HIKESHI: variants seen among roughly 807,000 people sequenced by gnomAD.
HIKESHI encodes heat shock protein nuclear import factor hikeshi.
A neutral mutation model predicts 25.7 loss-of-function variants in HIKESHI; 13 were observed. The ratio of observed to expected loss-of-function variants is 0.51; its 90% confidence interval spans 0.33 to 0.80. The LOEUF is 0.80. Ranked by LOEUF, HIKESHI falls within the 30% of genes least tolerant of loss-of-function variation. HIKESHI has a pLI of 0.02. For synonymous variants in HIKESHI, 76 were observed against 78.7 expected, an observed-to-expected ratio of 0.97 and a Z score of 0.18; for missense variants, 174 against 229.5, an observed-to-expected ratio of 0.76 and a Z score of 1.56.
At chr11:86,306,137 A>T in intron 1 of HIKESHI, 108 bp from the exon 2 acceptor site, 1 of 726,160 alleles carries the variant, frequency 1.4e-6, no homozygotes, top group South Asian at 1.9e-5. Context: ...TCTATTTGGT[A>T]GAAAGACTAT....
In HIKESHI at chr11:86,306,267, T is replaced by C. The variant is rs780515938; in HGVS notation, c.53T>C (p.Val18Ala). 6.2e-7 allele frequency: 1 copy of C among 1,613,386 alleles called. No individual in the cohort carries two copies. Among genetic ancestry groups the C allele is most frequent in the South Asian group, 1.1e-5 (1 of 91,056 alleles). Residue 18 changes from valine to alanine, a missense_variant, in exon 2 of 5, where the codon GTG becomes GCG. Transcript: ENST00000278483. The stretch of plus-strand genomic sequence containing the variant: ...TAGGTGCAAACAGCTGCACAGCAAG[T>C]GGCAGAGGATAAATTTGTTTTTGAC... ...GRLVQTAAQQVAEDKFVFDLP... is the reference protein window; with the variant it reads ...GRLVQTAAQQAAEDKFVFDLP...
rs78256473 is a variant in HIKESHI at position 86,335,226 on chromosome 11, G to T, written c.269-2153G>T. On this transcript the variant is annotated intron_variant, in intron 2 of 4. Coordinates refer to ENST00000278483, the MANE Select transcript of HIKESHI (RefSeq NM_016401.4). ...TAGAAGACTGTTTAAAAAAAAAGAGGTCTGCCTTTATGTCACCTAACTTGG... is the reference window on the plus strand; with the variant it reads ...TAGAAGACTGTTTAAAAAAAAAGAGTTCTGCCTTTATGTCACCTAACTTGG... 8.6e-3 allele frequency among the ~76,000 whole-genome samples: 1,310 copies of T among 152,226 alleles called. 26 individuals are homozygous for T. The highest frequency in any genetic ancestry group is 0.03 in the African/African-American group (1,254 of 41,536).
chr11:86,340,714 C>T (rs974283476), intron 3 of HIKESHI, among the ~76,000 whole-genome samples: 3 of 152,236 alleles, frequency 2.0e-5, no homozygotes, highest in Middle Eastern at 3.4e-3. Flanking sequence ...GGCGTGATCT[C>T]GGCTCCTGCA....
intron 4 of HIKESHI, 185 bp downstream of exon 4, chr11:86,344,906 T>G (rs1947832753): frequency 5.6e-6 from 3 of 539,930 alleles, no homozygotes; most frequent in Non-Finnish European, 9.4e-6. Flanking sequence ...AATATTTTGT[T>G]ATATTGTCGC....
At chr11:86,317,640 A>G (rs1180088666) in intron 2 of HIKESHI, among the ~76,000 whole-genome samples, 3 of 152,034 alleles carry the variant, frequency 2.0e-5, no homozygotes, top group Admixed American at 6.6e-5. Flanking sequence ...CCTTGTCTGT[A>G]CTAAAAATAC....
chr11:86,326,692 G>A, intron 2 of HIKESHI: 2 of 264,354 alleles, frequency 7.6e-6, no homozygotes, highest in East Asian at 1.0e-4. Flanking sequence ...ATTTGGATGG[G>A]ATGGAAGTGG....
intron 2 of HIKESHI, chr11:86,323,924 A>C (rs887980540): frequency 2.6e-5 from 4 of 152,166 alleles, no homozygotes; most frequent in African/African-American, 9.7e-5. Flanking sequence ...AGTATGGGAA[A>C]ATGGATTTGT....
At chr11:86,314,767 A>G (rs544082278) in intron 2 of HIKESHI, among the ~76,000 whole-genome samples, 1 of 152,232 alleles carries the variant, frequency 6.6e-6, no homozygotes, top group African/African-American at 2.4e-5. Flanking sequence ...GTTTCATGAG[A>G]TCATTATCAT....
intron 2 of HIKESHI, among the ~76,000 whole-genome samples, chr11:86,327,582 G>C (rs1220689732): frequency 6.6e-6 from 1 of 152,052 alleles, no homozygotes; most frequent in Admixed American, 6.6e-5. Flanking sequence ...TCAAAGTGCT[G>C]GGATTACAGG....
intron 2 of HIKESHI, among the ~76,000 whole-genome samples, chr11:86,328,212 A>C (rs1447215723): frequency 6.6e-6 from 1 of 151,888 alleles, no homozygotes; most frequent in Admixed American, 6.6e-5. Context: ...TAAGTGTAAT[A>C]TTTTCCTTTC....
chr11:86,312,805 C>A (rs1040237926), intron 2 of HIKESHI, among the ~76,000 whole-genome samples: 1 of 152,112 alleles, frequency 6.6e-6, no homozygotes, highest in African/African-American at 2.4e-5. Context: ...TTTATTTCTC[C>A]TTCACTTATG....
At chr11:86,321,856 A>G (rs557788520) in intron 2 of HIKESHI, among the ~76,000 whole-genome samples, 2 of 152,248 alleles carry the variant, frequency 1.3e-5, no homozygotes, top group African/African-American at 4.8e-5. Context: ...CCAAGAGTGT[A>G]TGAAAGTTCC....
chr11:86,319,242 A>ATATATTTTTTTT (rs1383589741), intron 2 of HIKESHI, among the ~76,000 whole-genome samples: 34 of 94,932 alleles, frequency 3.6e-4, no homozygotes, highest in Admixed American at 8.5e-4. Context: ...ATATATATAT[A>ATATATTTTTTTT]TTTTTTTTTT....
chr11:86,339,586 TTA>T (rs61020034), intron 3 of HIKESHI, among the ~76,000 whole-genome samples: 430 of 152,332 alleles, frequency 2.8e-3, no homozygotes, highest in African/African-American at 1.0e-2. Context: ...TTCTAACTTT[TTA>T]TATCTTTCCT....
intron 2 of HIKESHI, among the ~76,000 whole-genome samples, chr11:86,322,032 G>T (rs189388449): frequency 1.3e-5 from 2 of 152,222 alleles, no homozygotes; most frequent in Non-Finnish European, 1.5e-5. Flanking sequence ...CTGTCACCCA[G>T]GCTGGAGTGC....
intron 2 of HIKESHI, among the ~76,000 whole-genome samples, chr11:86,312,353 G>A (rs1289053269): frequency 6.6e-6 from 1 of 152,122 alleles, no homozygotes; most frequent in Non-Finnish European, 1.5e-5. Flanking sequence ...TTGGTTTAAA[G>A]TCTGTTTTAT....
intron 2 of HIKESHI, among the ~76,000 whole-genome samples, chr11:86,310,225 A>G (rs551324074): frequency 8.9e-5 from 13 of 146,468 alleles, no homozygotes; most frequent in African/African-American, 3.0e-4. Context: ...ATTTGTTTGT[A>G]TCCTCTTTTA....
At chr11:86,323,064 C>A (rs1186954763) in intron 2 of HIKESHI, among the ~76,000 whole-genome samples, 27 of 151,854 alleles carry the variant, frequency 1.8e-4, no homozygotes. Flanking sequence ...CCCATCTCTA[C>A]AAAAAATTCA....
At chr11:86,330,321 T>C (rs964728576) in intron 2 of HIKESHI, among the ~76,000 whole-genome samples, 1 of 152,212 alleles carries the variant, frequency 6.6e-6, no homozygotes, top group African/African-American at 2.4e-5. Flanking sequence ...GTTCTGAATA[T>C]AATGACAAAA....
Sources: allele counts gnomAD v4.1 joint callset (sites outside exome capture counted in the v4.1 genomes callset), GRCh38; gene constraint gnomAD v4.1.1; transcripts MANE v1.5; gene names NCBI Gene and HGNC (gene_info 2026-07-23, HGNC 2026-07-21).